RASIP1: variants seen among roughly 807,000 people sequenced by gnomAD.
The protein encoded by RASIP1 is Ras interacting protein 1.
In RASIP1, 20 loss-of-function variants were observed where a neutral mutation model predicts 85.3. The ratio of observed to expected loss-of-function variants is 0.23; its 90% CI spans 0.17 to 0.34. The LOEUF (loss-of-function observed/expected upper bound fraction) is 0.34. Among genes scored for constraint, RASIP1 ranks in the 10% least tolerant of loss-of-function variants. The pLI is 1.00. For missense variants in RASIP1, 1,170 were observed against 1,390.9 expected (o/e 0.84, Z 2.53); for synonymous variants, 617 against 647.1 (o/e 0.95, Z 0.71).
intron 4 of RASIP1, among the ~76,000 whole-genome samples, chr19:48,732,279 G>A (rs998997366): frequency 5.3e-5 from 8 of 150,070 alleles, no homozygotes; most frequent in Admixed American, 2.0e-4. Context: ...TTTTTAAGAC[G>A]GAGTCTCTCT....
rs1445541422 is a variant in RASIP1 at position 48,721,961 on chromosome 19, G to T, written c.2585C>A (p.Thr862Asn). 4 of 1,539,002 alleles carry T rather than the reference G, an allele frequency of 2.6e-6. No individual in the cohort carries two copies. Among genetic ancestry groups the T allele is most frequent in the Middle Eastern group, 1.7e-4 (1 of 5,794 alleles). Residue 862 changes from threonine (T) to asparagine (N), a missense_variant, in exon 11 of 12, where the codon ACC (threonine) becomes AAC (asparagine). Physicochemically the swap from Thr to Asn is moderately conservative, Grantham distance 65. Coordinates refer to ENST00000222145, the MANE Select transcript of RASIP1 (RefSeq NM_017805.3). ...GAGCAGATGGTGCAGCTGGGCGGGGGTCAAGGTGGGGTGGTCGGTTCTTAG... is the reference window on the plus strand; with the variant it reads ...GAGCAGATGGTGCAGCTGGGCGGGGTTCAAGGTGGGGTGGTCGGTTCTTAG... ...SSLRTDHPTLTPAQLHHLLSH... is the reference protein window; with the variant it reads ...SSLRTDHPTLNPAQLHHLLSH...
rs183590472 is a variant in RASIP1, at chr19:48,730,312, C to T, written c.1180-722G>A. On this transcript the variant is annotated intron_variant, in intron 4 of 11. Transcript: ENST00000222145. ...TCCCGAGTAGTTGAGACTACAGGCG[C>T]GCACCATCACGCCCAGCTAATTTTT... 1.3e-3 allele frequency among the ~76,000 whole-genome samples: 205 copies of T among 152,120 alleles called. 2 individuals carry two copies. Among genetic ancestry groups the T allele is most frequent in the African/African-American group, 4.8e-3 (199 of 41,508 alleles).
intron 3 of RASIP1, among the ~76,000 whole-genome samples, chr19:48,736,093 G>A (rs2033566039): frequency 6.6e-6 from 1 of 151,474 alleles, no homozygotes; most frequent in Non-Finnish European, 1.5e-5. Flanking sequence ...ACAGGCATGA[G>A]CCACAGCGCC....
In RASIP1 at chr19:48,729,467, G is replaced by C; in HGVS notation, c.1303C>G (p.Pro435Ala). The change falls in exon 5 of 12, where the codon CCG (proline) becomes GCG (alanine). Residue 435 changes from proline to alanine, a missense_variant. Physicochemically the swap from Pro to Ala is conservative, Grantham distance 27. Coordinates refer to ENST00000222145, the MANE Select transcript of RASIP1 (RefSeq NM_017805.3). ...DTFLNAPDILPRHCTVRAGPE... is the reference protein window; with the variant it reads ...DTFLNAPDILARHCTVRAGPE... ...CCCGCGCGCACTGTGCAGTGACGCG[G>C]CAGGATGTCCGGGGCGTTGAGGAAG... 1 of 1,575,588 alleles carries C rather than the reference G, an allele frequency of 6.3e-7. No individual in the cohort carries two copies. The highest frequency in any genetic ancestry group is 8.6e-7 in the Non-Finnish European group (1 of 1,161,346).
chr19:48,734,488 TTC>T (rs1491018455), intron 4 of RASIP1, among the ~76,000 whole-genome samples: 1,221 of 118,600 alleles, frequency 0.01, 35 homozygotes, highest in African/African-American at 0.034. Flanking sequence ...TTTTTTTTCT[TTC>T]TTTTTTTTTT....
In RASIP1 at chr19:48,724,853, T is replaced by C; in HGVS notation, c.2235A>G (p.Arg745=). Residue 745 remains arginine, a synonymous_variant, in exon 9 of 12, where the codon AGA becomes AGG. Coordinates refer to ENST00000222145, the MANE Select transcript of RASIP1 (RefSeq NM_017805.3). The surrounding 1 kb of genome is among the most constrained non-coding windows in gnomAD (Gnocchi z 4.6). ...AELGAMPPGL[R]PTLGVFQAAL... ...CTGCCTGGAACACGCCCAGGGTAGGTCTCAATCCTGGAGGCATGGCCCCCA... is the reference window on the plus strand; with the variant it reads ...CTGCCTGGAACACGCCCAGGGTAGGCCTCAATCCTGGAGGCATGGCCCCCA... The C allele has an allele frequency of 6.2e-7, 1 of 1,614,140 alleles. No individual in the cohort carries two copies. Among genetic ancestry groups the C allele is most frequent in the Non-Finnish European group, 8.5e-7 (1 of 1,180,022 alleles).
At chr19:48,728,584 T>C (rs556658655) in intron 5 of RASIP1, among the ~76,000 whole-genome samples, 4 of 151,940 alleles carry the variant, frequency 2.6e-5, no homozygotes, top group Admixed American at 1.3e-4. Flanking sequence ...GCCAATATGG[T>C]GAAACCCCGT....
intron 4 of RASIP1, among the ~76,000 whole-genome samples, chr19:48,731,401 A>G (rs2033455460): frequency 1.3e-5 from 2 of 152,096 alleles, no homozygotes; most frequent in Non-Finnish European, 2.9e-5. Context: ...CCTTCCATCA[A>G]TGGACGTTCT....
Position 48,727,019 on chromosome 19 carries a change from C to G in RASIP1, c.2011G>C (p.Ala671Pro), listed in dbSNP as rs1423777491. Residue 671 changes from alanine (A) to proline (P), a missense_variant, in exon 7 of 12, where the codon GCT becomes CCT. Around this residue, in one of 4 missense-constraint regions of RASIP1, gnomAD observed 426 missense variants for 576.2 expected, o/e 0.74. Transcript: ENST00000222145. ...QEKVLEMEKE[A>P]DQEDPQLCND... ...AGTCAGAGCTCACCCTCTTGGTCAG[C>G]CTCCTTCTCCATTTCCAGCACCTTC... The G allele has an allele frequency of 3.7e-6, 6 of 1,614,194 alleles. No individual in the cohort carries two copies. The highest frequency in any genetic ancestry group is 5.1e-6 in the Non-Finnish European group (6 of 1,180,036).
At chr19:48,727,838 T>C (rs1218959457) in intron 5 of RASIP1, among the ~76,000 whole-genome samples, 1 of 151,868 alleles carries the variant, frequency 6.6e-6, no homozygotes, top group African/African-American at 2.4e-5. Flanking sequence ...AGGCATGTGC[T>C]ACCATGCCCG....
Position 48,734,513 on chromosome 19 carries a change from A to C in RASIP1, c.1179+683T>G, listed in dbSNP as rs1178853453. On this transcript the variant is annotated intron_variant, in intron 4 of 11. Transcript: ENST00000222145. ...TTCTTTTTTTTTTTTTTTGAGACAG[A>C]GTCTTGCTCTGTCTCCCTGGCTGGA... is the stretch of plus-strand genomic sequence containing the variant. 2.2e-5 allele frequency among the ~76,000 whole-genome samples: 3 copies of C among 138,944 alleles called. No individual in the cohort carries two copies. The Admixed American group carries it at 2.2e-4, about 10-fold the overall frequency. The allele number at this position is 138,944 out of a possible 152,430, so 91.2% of individuals were successfully genotyped here. A position where few individuals can be genotyped will look rare whatever the true frequency, so the allele number is the denominator to read the frequency against.
Position 48,729,286 on chromosome 19 carries a change from G to A in RASIP1, c.1484C>T (p.Ser495Leu), listed in dbSNP as rs1228949634. The change falls in exon 5 of 12, where the codon TCG becomes TTG. Residue 495 changes from serine to leucine, a missense_variant. Physicochemically the swap from Ser to Leu is moderately radical, Grantham distance 145. Coordinates refer to ENST00000222145, the MANE Select transcript of RASIP1 (RefSeq NM_017805.3). Reference sequence around the variant, plus strand: ...CAGCCACGGCGGCCTCGCAGGCCCCGAGCCCCCAGTGCGGGGGTCCTTGTA... The same window carrying A: ...CAGCCACGGCGGCCTCGCAGGCCCCAAGCCCCCAGTGCGGGGGTCCTTGTA... The part of the protein sequence containing the change: ...FMYKDPRTGG[S>L]GPARPPWLPA... 31 of 1,540,598 alleles carry A rather than the reference G, an allele frequency of 2.0e-5. No individual in the cohort carries two copies. Among genetic ancestry groups the A allele is most frequent in the Non-Finnish European group, 2.7e-5 (31 of 1,144,018 alleles).
chr19:48,721,618 C>G (rs951103683), intron 11 of RASIP1, among the ~76,000 whole-genome samples: 2 of 152,070 alleles, frequency 1.3e-5, no homozygotes, highest in Non-Finnish European at 2.9e-5. Context: ...CTGGCCAACA[C>G]GGTGAAACCC....
At chr19:48,736,832 C>T (rs1240660806) in intron 3 of RASIP1, among the ~76,000 whole-genome samples, 1 of 152,132 alleles carries the variant, frequency 6.6e-6, no homozygotes, top group African/African-American at 2.4e-5. Context: ...GTCAGGAATT[C>T]GAGACCAGCC....
chr19:48,737,532 A>C, intron 3 of RASIP1: 1 of 985,278 alleles, frequency 1.0e-6, no homozygotes, highest in African/African-American at 1.7e-5. Flanking sequence ...CCCACTTGGC[A>C]GCCAACCCAG....
chr19:48,738,072 G>C lies in RASIP1; in HGVS notation c.823+888C>G, dbSNP rs1176222753. On this transcript the variant is annotated intron_variant, in intron 3 of 11. Coordinates refer to ENST00000222145, the MANE Select transcript of RASIP1 (RefSeq NM_017805.3). This position sits in a 1 kb window ranked among gnomAD's most constrained non-coding sequence, Gnocchi z 4.0. ...TTATTCTCATGTCTCGGCCTCCCGA[G>C]TAGCTGGGATTACAGGCATGCGTCA... 2.2e-6 allele frequency: 1 copy of C among 445,550 alleles called. No individual in the cohort carries two copies. The highest frequency in any genetic ancestry group is 6.4e-5 in the Admixed American group (1 of 15,580). The allele number at this position is 445,550 out of a possible 1,614,324, so 27.6% of individuals were successfully genotyped here. A position where few individuals can be genotyped will look rare whatever the true frequency, so the allele number is the denominator to read the frequency against.
chr19:48,729,457 C>A lies in RASIP1; in HGVS notation c.1313G>T (p.Cys438Phe). 6.4e-7 allele frequency: 1 copy of A among 1,571,122 alleles called. No individual in the cohort carries two copies. Among genetic ancestry groups the A allele is most frequent in the Non-Finnish European group, 8.6e-7 (1 of 1,158,896 alleles). ...GTGCTCAGGGCCCGCGCGCACTGTG[C>A]AGTGACGCGGCAGGATGTCCGGGGC... ...LNAPDILPRH[C>F]TVRAGPEHPA... The change falls in exon 5 of 12, where the codon TGC (cysteine) becomes TTC (phenylalanine). Residue 438 changes from cysteine to phenylalanine, a missense_variant. Around this residue, in one of 4 missense-constraint regions of RASIP1, gnomAD observed 301 missense variants for 294.8 expected, o/e 1.02. Transcript: ENST00000222145.
Position 48,735,597 on chromosome 19 carries a change from G to T in RASIP1, c.824-46C>A, listed in dbSNP as rs975758676. 4 of 1,456,362 alleles carry T rather than the reference G, an allele frequency of 2.7e-6. No homozygotes were observed. The East Asian group carries it at 1.0e-4, about 36-fold the overall frequency. 90.2% of individuals were successfully genotyped at this position (1,456,362 alleles called of 1,614,324 possible). A position where few individuals can be genotyped will look rare whatever the true frequency, so the allele number is the denominator to read the frequency against. ...GTGAGGCTGAGCCTGGAAAGACAGGGATAGACACAGAGCTGCAGATTATGA... is the reference window on the plus strand; with the variant it reads ...GTGAGGCTGAGCCTGGAAAGACAGGTATAGACACAGAGCTGCAGATTATGA... On this transcript the variant is annotated intron_variant, in intron 3 of 11. Transcript: ENST00000222145.
At chr19:48,732,058 T>A (rs999092356) in intron 4 of RASIP1, among the ~76,000 whole-genome samples, 2 of 145,216 alleles carry the variant, frequency 1.4e-5, no homozygotes, top group Admixed American at 7.1e-5. Context: ...CTTTTTTTTT[T>A]AATCTCTTTT....
Sources: allele counts gnomAD v4.1 joint callset (sites outside exome capture counted in the v4.1 genomes callset), GRCh38; gene constraint gnomAD v4.1.1; regional missense constraint gnomAD v4.1.1; non-coding constraint Gnocchi (gnomAD v3.1); transcripts MANE v1.5; gene names NCBI Gene and HGNC (gene_info 2026-07-23, HGNC 2026-07-21).